LY86: variants seen among roughly 807,000 people sequenced by gnomAD.
LY86 encodes MD-1, RP105-associated.
Under a neutral mutation model 17.3 loss-of-function variants are expected in LY86, and 20 were observed. The ratio of observed to expected loss-of-function variants is 1.15; its 90% CI spans 0.81 to 1.68. LY86 has a LOEUF of 1.68. Among genes scored for constraint, LY86 ranks in the 40% most tolerant of loss-of-function variants. LY86 has a pLI of 0.00. For synonymous variants in LY86, 74 were observed against 70.6 expected, an observed-to-expected ratio of 1.05 and a Z score of -0.24; for missense variants, 200 against 191.9, an observed-to-expected ratio of 1.04 and a Z score of -0.25.
At chr6:6,613,371 G>C (rs1581242076) in intron 1 of LY86, among the ~76,000 whole-genome samples, 2 of 152,250 alleles carry the variant, frequency 1.3e-5, no homozygotes, top group East Asian at 3.9e-4. Context: ...TAAGCTCACA[G>C]CGGGGGAGTG....
At chr6:6,625,206 C>T (rs1276419354) in intron 2 of LY86, among the ~76,000 whole-genome samples, 194 bp downstream of exon 2, 1 of 152,062 alleles carries the variant, frequency 6.6e-6, no homozygotes, top group South Asian at 2.1e-4. Context: ...AGAACTCTCA[C>T]TTAAAGCTGT....
intron 3 of LY86, among the ~76,000 whole-genome samples, chr6:6,640,153 A>G (rs1048469695): frequency 1.3e-5 from 2 of 152,170 alleles, no homozygotes; most frequent in East Asian, 3.9e-4. Context: ...CTAGGAGTCA[A>G]TGACAGCCCA....
At chr6:6,641,180 C>T (rs1762034445) in intron 3 of LY86, among the ~76,000 whole-genome samples, 1 of 152,244 alleles carries the variant, frequency 6.6e-6, no homozygotes, top group Non-Finnish European at 1.5e-5. Context: ...TAAAGTTGAG[C>T]AAGTTCTAAT....
chr6:6,610,307 C>G, intron 1 of LY86, among the ~76,000 whole-genome samples: 1 of 152,150 alleles, frequency 6.6e-6, no homozygotes, highest in East Asian at 1.9e-4. Flanking sequence ...CTTCCTATGT[C>G]TATCATTATT....
intron 3 of LY86, among the ~76,000 whole-genome samples, chr6:6,639,705 C>G (rs138088351): frequency 6.6e-6 from 1 of 152,322 alleles, no homozygotes; most frequent in Non-Finnish European, 1.5e-5. Context: ...CTGGGCCACA[C>G]AGGGTAATCT....
intron 1 of LY86, among the ~76,000 whole-genome samples, chr6:6,592,167 TGAG>T (rs1362026747): frequency 5.3e-5 from 8 of 152,124 alleles, no homozygotes; most frequent in African/African-American, 7.2e-5. Flanking sequence ...TTGATAACCT[TGAG>T]GAGAAGGGAA....
chr6:6,602,223 A>G (rs901613663), intron 1 of LY86, among the ~76,000 whole-genome samples: 3 of 152,220 alleles, frequency 2.0e-5, no homozygotes, highest in East Asian at 1.9e-4. Flanking sequence ...TCAGTTTGGA[A>G]TATTCTCATC....
At chr6:6,615,250 A>T (rs1203266287) in intron 1 of LY86, among the ~76,000 whole-genome samples, 2 of 152,202 alleles carry the variant, frequency 1.3e-5, no homozygotes, top group Non-Finnish European at 2.9e-5. Flanking sequence ...GGTGGAACTC[A>T]GGCATGGGTA....
intron 1 of LY86, among the ~76,000 whole-genome samples, chr6:6,592,255 C>A (rs779228373): frequency 2.0e-5 from 3 of 152,144 alleles, no homozygotes; most frequent in Admixed American, 6.5e-5. Flanking sequence ...GAAGTCCTGG[C>A]CTGGCCAACT....
At chr6:6,597,606 G>C (rs959908960) in intron 1 of LY86, among the ~76,000 whole-genome samples, 1 of 152,182 alleles carries the variant, frequency 6.6e-6, no homozygotes. Flanking sequence ...AGCGTGGTGG[G>C]ATCTATCGGG....
At chr6:6,612,135 C>A (rs1271213011) in intron 1 of LY86, among the ~76,000 whole-genome samples, 9 of 152,042 alleles carry the variant, frequency 5.9e-5, no homozygotes, top group Admixed American at 5.2e-4. Flanking sequence ...CTCAACAACT[C>A]CTAAGATTGA....
chr6:6,605,719 T>G (rs72821154), intron 1 of LY86, among the ~76,000 whole-genome samples: 1 of 152,154 alleles, frequency 6.6e-6, no homozygotes, highest in Non-Finnish European at 1.5e-5. Flanking sequence ...AACCTCGCGG[T>G]GAGTGTTACA....
At chr6:6,603,603 C>CAAAAAAAAAA (rs1207511602) in intron 1 of LY86, among the ~76,000 whole-genome samples, 20 of 70,484 alleles carry the variant, frequency 2.8e-4, no homozygotes, top group Non-Finnish European at 4.8e-4. Flanking sequence ...AAAACAGAAA[C>CAAAAAAAAAA]AGAAAAAAAA....
In LY86 at chr6:6,626,291, A is replaced by G. The variant is rs199867410; in HGVS notation, c.224-2A>G. 1.7e-5 allele frequency: 27 copies of G among 1,613,568 alleles called. No individual in the cohort carries two copies. Among genetic ancestry groups the G allele is most frequent in the Non-Finnish European group, 2.1e-5 (25 of 1,179,938 alleles). On this transcript the variant is annotated splice_acceptor_variant, in intron 2 of 4. Transcript: ENST00000230568. LOFTEE classifies it high-confidence loss of function. ...GTAAAGCTGTTCTTCTCTTTCCTCC[A>G]GGAGAGGACATCAAAGAGCTTTTTC... is the stretch of plus-strand genomic sequence containing the variant.
intron 1 of LY86, among the ~76,000 whole-genome samples, chr6:6,614,726 T>G (rs988988599): frequency 1.3e-5 from 2 of 150,212 alleles, no homozygotes; most frequent in Admixed American, 6.7e-5. Context: ...AGAGAGTCGA[T>G]GCTCAGGAAA....
At chr6:6,632,807 T>A (rs1475410116) in intron 3 of LY86, among the ~76,000 whole-genome samples, 1 of 152,224 alleles carries the variant, frequency 6.6e-6, no homozygotes, top group Non-Finnish European at 1.5e-5. Context: ...GTCTACTCCC[T>A]TCAAGGGAAC....
chr6:6,630,741 A>C (rs1002996829), intron 3 of LY86, among the ~76,000 whole-genome samples: 8 of 152,204 alleles, frequency 5.3e-5, no homozygotes, highest in African/African-American at 1.9e-4. Flanking sequence ...TTGGTCGCAC[A>C]TTAACTGCTC....
chr6:6,639,864 G>C (rs1031442414), intron 3 of LY86, among the ~76,000 whole-genome samples: 1 of 152,138 alleles, frequency 6.6e-6, no homozygotes, highest in Non-Finnish European at 1.5e-5. Flanking sequence ...ATGCCTTGCT[G>C]AACTCTGTGT....
chr6:6,607,635 C>G (rs1761221630), intron 1 of LY86, among the ~76,000 whole-genome samples: 1 of 152,188 alleles, frequency 6.6e-6, no homozygotes, highest in African/African-American at 2.4e-5. Flanking sequence ...CACGGTGGCT[C>G]ATGCCTGTAA....
Sources: gnomAD v4.1 joint callset for allele counts (sites outside exome capture counted in the v4.1 genomes callset) on GRCh38, gnomAD v4.1.1 for gene constraint, MANE v1.5 for transcripts, NCBI Gene and HGNC (gene_info 2026-07-23, HGNC 2026-07-21) for gene names.